Variants in SMYD3 observed in about 807,000 individuals in gnomAD.
SMYD3 encodes the protein histone-lysine N-methyltransferase SMYD3.
Under a neutral mutation model 57.7 loss-of-function variants are expected in SMYD3, and 36 were observed. That is an observed-to-expected ratio of 0.62 (90% CI 0.48 to 0.82). The LOEUF (loss-of-function observed/expected upper bound fraction) is 0.82. Among genes scored for constraint, SMYD3 ranks in the 40% least tolerant of loss-of-function variants. SMYD3 has a pLI of 0.00. For synonymous variants in SMYD3, 211 were observed against 195.0 expected (o/e 1.08, Z -0.68); for missense variants, 515 against 538.8 (o/e 0.96, Z 0.44).
At chr1:246,485,641 T>A (rs75258236) in intron 1 of SMYD3, among the ~76,000 whole-genome samples, 9 of 151,934 alleles carry the variant, frequency 5.9e-5, no homozygotes, top group Admixed American at 2.6e-4. Flanking sequence ...AAATTTTTTT[T>A]AAATAGCTGG....
chr1:246,060,323 C>T (rs77417559), intron 5 of SMYD3, among the ~76,000 whole-genome samples: 1 of 150,922 alleles, frequency 6.6e-6, no homozygotes, highest in African/African-American at 2.4e-5. Flanking sequence ...TTTTTTTAAA[C>T]ATTATATATC....
intron 5 of SMYD3, among the ~76,000 whole-genome samples, chr1:246,012,919 C>G (rs555160539): frequency 6.6e-6 from 1 of 152,322 alleles, no homozygotes; most frequent in African/African-American, 2.4e-5. Context: ...AAGCACTCTA[C>G]TGTACTGACA....
intron 5 of SMYD3, among the ~76,000 whole-genome samples, chr1:246,171,699 T>A (rs1053793576): frequency 5.9e-5 from 9 of 152,192 alleles, no homozygotes; most frequent in Non-Finnish European, 1.2e-4. Context: ...TATCTAAACA[T>A]AGAAGAGGTA....
intron 11 of SMYD3, among the ~76,000 whole-genome samples, chr1:245,751,902 C>A (rs1411685359): frequency 6.6e-6 from 1 of 152,184 alleles, no homozygotes; most frequent in Non-Finnish European, 1.5e-5. Context: ...TGGGACCAGC[C>A]CCCACCTTGC....
At chr1:245,956,321 G>A (rs1387126378) in intron 5 of SMYD3, among the ~76,000 whole-genome samples, 2 of 152,184 alleles carry the variant, frequency 1.3e-5, no homozygotes, top group Non-Finnish European at 2.9e-5. Flanking sequence ...GAAAAGTTAT[G>A]TCTGATTCAT....
chr1:245,943,463 G>C (rs1440829766), intron 5 of SMYD3, among the ~76,000 whole-genome samples: 1 of 152,032 alleles, frequency 6.6e-6, no homozygotes, highest in Non-Finnish European at 1.5e-5. Flanking sequence ...GAATAGATCA[G>C]TAACAAGTTC....
At chr1:245,761,664 A>C (rs2045847998) in intron 11 of SMYD3, among the ~76,000 whole-genome samples, 1 of 152,146 alleles carries the variant, frequency 6.6e-6, no homozygotes, top group Non-Finnish European at 1.5e-5. Flanking sequence ...ATCTTACTAG[A>C]GAGCCTCATC....
At chr1:245,839,380 A>G (rs561468871) in intron 10 of SMYD3, among the ~76,000 whole-genome samples, 218 of 152,044 alleles carry the variant, frequency 1.4e-3, no homozygotes, top group East Asian at 3.3e-3. Flanking sequence ...CGTGTTAGCC[A>G]GGATGGTCTC....
intron 5 of SMYD3, among the ~76,000 whole-genome samples, chr1:246,116,243 C>T (rs2061341569): frequency 7.9e-6 from 1 of 127,306 alleles, no homozygotes; most frequent in South Asian, 2.6e-4. Context: ...CACACACACA[C>T]ACACATTCTG....
At chr1:246,460,488 T>C (rs1172175470) in intron 1 of SMYD3, among the ~76,000 whole-genome samples, 1 of 152,238 alleles carries the variant, frequency 6.6e-6, no homozygotes, top group Non-Finnish European at 1.5e-5. Context: ...TTAAATATTA[T>C]TTTCTACAGC....
At chr1:246,190,819 T>C (rs1307883272) in intron 5 of SMYD3, among the ~76,000 whole-genome samples, 1 of 152,128 alleles carries the variant, frequency 6.6e-6, no homozygotes, top group African/African-American at 2.4e-5. Context: ...ACTTCTATTT[T>C]GGATTAAGGT....
At chr1:246,464,360 T>G (rs2067852258) in intron 1 of SMYD3, among the ~76,000 whole-genome samples, 1 of 151,472 alleles carries the variant, frequency 6.6e-6, no homozygotes, top group Admixed American at 6.6e-5. Flanking sequence ...TACTAAAAAT[T>G]TAAAAACTTA....
intron 1 of SMYD3, among the ~76,000 whole-genome samples, chr1:246,464,375 G>C (rs2067852395): frequency 6.6e-6 from 1 of 152,074 alleles, no homozygotes; most frequent in Non-Finnish European, 1.5e-5. Context: ...AACTTAGCCA[G>C]GAGTGGTGGC....
At chr1:246,215,634 A>G (rs1044691830) in intron 5 of SMYD3, among the ~76,000 whole-genome samples, 2 of 152,178 alleles carry the variant, frequency 1.3e-5, no homozygotes, top group African/African-American at 4.8e-5. Context: ...CTCAGTGGCC[A>G]TCGTTCTCTG....
intron 8 of SMYD3, among the ~76,000 whole-genome samples, chr1:245,864,227 TAG>T (rs759305555): frequency 6.6e-6 from 1 of 152,180 alleles, no homozygotes. Context: ...TGTTCCCAAT[TAG>T]AGTTACCATA....
intron 5 of SMYD3, among the ~76,000 whole-genome samples, chr1:245,995,384 G>A (rs1421571071): frequency 6.6e-6 from 1 of 152,220 alleles, no homozygotes; most frequent in Admixed American, 6.5e-5. Flanking sequence ...TTTAGCCTAA[G>A]TCTGTTTATA....
intron 5 of SMYD3, among the ~76,000 whole-genome samples, chr1:246,012,925 T>C (rs978863565): frequency 6.6e-6 from 1 of 152,208 alleles, no homozygotes; most frequent in African/African-American, 2.4e-5. Context: ...TCTACTGTAC[T>C]GACATTTCTG....
Position 246,495,479 on chromosome 1 carries a change from C to G in SMYD3, c.164+11575G>C, listed in dbSNP as rs373493092. 2.1e-3 allele frequency among the ~76,000 whole-genome samples: 324 copies of G among 151,780 alleles called. 3 individuals are homozygous for G. The highest frequency in any genetic ancestry group is 7.5e-3 in the African/African-American group (312 of 41,394). On this transcript the variant is annotated intron_variant, in intron 1 of 11. Coordinates refer to ENST00000490107, the MANE Select transcript of SMYD3 (RefSeq NM_001167740.2). ...TCCCCGAGTGCTTTCAATGTGTAGC[C>G]AATGTCGAGAACCAACGAGTTACAA...
intron 5 of SMYD3, among the ~76,000 whole-genome samples, chr1:246,220,709 T>C (rs1304341444): frequency 6.6e-6 from 1 of 152,162 alleles, no homozygotes; most frequent in Non-Finnish European, 1.5e-5. Flanking sequence ...GCCTGAAGGC[T>C]GGGGGCTGGG....
Sources: allele counts gnomAD v4.1 joint callset (sites outside exome capture counted in the v4.1 genomes callset), GRCh38; gene constraint gnomAD v4.1.1; transcripts MANE v1.5; gene names NCBI Gene and HGNC (gene_info 2026-07-23, HGNC 2026-07-21).